Variants in ANO6 observed in about 807,000 individuals in gnomAD.
The protein encoded by ANO6 is anoctamin-6.
ANO6 carries 106 observed loss-of-function variants against 117.5 expected under a neutral mutation model. The ratio of observed to expected loss-of-function variants is 0.90; its 90% CI spans 0.77 to 1.06. ANO6 has a LOEUF of 1.06. Ranked by LOEUF, ANO6 falls within the 50% of genes least tolerant of loss-of-function variation. The pLI, the probability that ANO6 is intolerant of heterozygous loss-of-function variation, is 0.00. For synonymous variants in ANO6, 367 were observed against 385.1 expected, an observed-to-expected ratio of 0.95 and a Z score of 0.55; for missense variants, 955 against 1,121.1, an observed-to-expected ratio of 0.85 and a Z score of 2.12.
At chr12:45,428,662 T>C (rs1036886348) in intron 19 of ANO6, among the ~76,000 whole-genome samples, 1 of 152,190 alleles carries the variant, frequency 6.6e-6, no homozygotes, top group African/African-American at 2.4e-5. Context: ...TGGGGGTATA[T>C]ATACATATTT....
intron 7 of ANO6, among the ~76,000 whole-genome samples, chr12:45,353,530 A>C (rs1423898190): frequency 1.3e-5 from 2 of 152,172 alleles, no homozygotes; most frequent in African/African-American, 4.8e-5. Flanking sequence ...GCTAGAGGAA[A>C]TGCATTTACT....
chr12:45,405,990 T>C (rs1291932997), intron 15 of ANO6, among the ~76,000 whole-genome samples: 3 of 152,212 alleles, frequency 2.0e-5, no homozygotes, highest in Non-Finnish European at 4.4e-5. Flanking sequence ...AAAAGCCTTA[T>C]AAGTCAGCAG....
Position 45,401,794 on chromosome 12 carries a change from G to T in ANO6, c.1387-1G>T, listed in dbSNP as rs374664255. 1.9e-4 allele frequency: 307 copies of T among 1,612,310 alleles called. No individual in the cohort carries two copies. The highest frequency in any genetic ancestry group is 2.3e-4 in the Non-Finnish European group (276 of 1,179,208). ...TGCTACTGTGTTTGTTGTGCTTTCA[G>T]ATCCTATTGATCATCGCTTCAGTTA... On this transcript the variant is annotated splice_acceptor_variant, in intron 12 of 19. Coordinates refer to ENST00000320560, the MANE Select transcript of ANO6 (RefSeq NM_001025356.3). LOFTEE classifies it high-confidence loss of function.
chr12:45,244,462 AATCCCC>A (rs1947795046), intron 1 of ANO6, among the ~76,000 whole-genome samples: 1 of 150,942 alleles, frequency 6.6e-6, no homozygotes, highest in African/African-American at 2.5e-5. Context: ...AGTATTGTTG[AATCCCC>A]TCAACTGTAT....
At chr12:45,343,892 T>C (rs756905464) in intron 3 of ANO6, among the ~76,000 whole-genome samples, 6 of 125,764 alleles carry the variant, frequency 4.8e-5, no homozygotes, top group Non-Finnish European at 8.2e-5. Flanking sequence ...CACCCCAGAA[T>C]GTATTCTGCT....
At chr12:45,420,248 A>C (rs1224172451) in intron 17 of ANO6, among the ~76,000 whole-genome samples, 1 of 152,160 alleles carries the variant, frequency 6.6e-6, no homozygotes. Context: ...CATGCAGTTT[A>C]CCTTCTGTGT....
rs1947852450 is a variant in ANO6, at chr12:45,248,158, T to C, written c.70+31767T>C. ...ATAAAGTTAATTTCTTTTCCTGACA[T>C]GCATGTGTAACAGTAATAGCTTCAT... is the stretch of plus-strand genomic sequence containing the variant. On this transcript the variant is annotated intron_variant, in intron 1 of 19. Coordinates refer to ENST00000320560, the MANE Select transcript of ANO6 (RefSeq NM_001025356.3). Among the ~76,000 whole-genome samples, 3 of 152,234 alleles carry C rather than the reference T, an allele frequency of 2.0e-5. No homozygotes were observed. The South Asian group carries it at 6.2e-4, about 31-fold the overall frequency.
At chr12:45,385,337 G>T (rs932486893) in intron 10 of ANO6, among the ~76,000 whole-genome samples, 2 of 152,204 alleles carry the variant, frequency 1.3e-5, no homozygotes, top group African/African-American at 4.8e-5. Flanking sequence ...CATAATTACA[G>T]AGTGGGAGAC....
At chr12:45,343,432 C>T (rs1941037454) in intron 3 of ANO6, among the ~76,000 whole-genome samples, 1 of 152,130 alleles carries the variant, frequency 6.6e-6, no homozygotes, top group African/African-American at 2.4e-5. Flanking sequence ...GCTAGTGAGA[C>T]CATCTGGGTT....
chr12:45,433,709 A>T (rs1017742325), downstream of ANO6, among the ~76,000 whole-genome samples: 11 of 152,132 alleles, frequency 7.2e-5, no homozygotes, highest in African/African-American at 2.4e-4. Flanking sequence ...CACCGTTAAG[A>T]TTCAAGGAGT....
intron 1 of ANO6, among the ~76,000 whole-genome samples, chr12:45,266,479 G>A (rs1938219447): frequency 6.6e-6 from 1 of 152,036 alleles, no homozygotes; most frequent in Admixed American, 6.6e-5. Context: ...TTAAACATTG[G>A]TGCCAAGTCT....
intron 8 of ANO6, among the ~76,000 whole-genome samples, chr12:45,362,641 GTTAAA>G (rs1176494064): frequency 6.6e-6 from 1 of 151,568 alleles, no homozygotes; most frequent in Non-Finnish European, 1.5e-5. Flanking sequence ...TTTTTTGTGT[GTTAAA>G]TAGATATTTC....
intron 16 of ANO6, among the ~76,000 whole-genome samples, chr12:45,414,120 G>C (rs1392484450): frequency 6.6e-6 from 1 of 151,956 alleles, no homozygotes; most frequent in African/African-American, 2.4e-5. Context: ...GCAGGATGCG[G>C]GGCTTCAGGG....
At position 45,378,118 on chromosome 12, in the gene ANO6, GTT is replaced by G. The variant is rs36059278; in HGVS notation, c.1165+20_1165+21del. ...CAGTATTTATGGGAGTATGGGGTAA[GTT>G]TTTTTTTTTTTTTTCATGCACTCAA... is the stretch of plus-strand genomic sequence containing the variant. On this transcript the variant is annotated splice_donor_region_variant and intron_variant, in intron 10 of 19. Coordinates refer to ENST00000320560, the MANE Select transcript of ANO6 (RefSeq NM_001025356.3). 3,920 of 1,476,012 alleles carry G rather than the reference GTT, an allele frequency of 2.7e-3. No individual in the cohort carries two copies. Among genetic ancestry groups the G allele is most frequent in the East Asian group, 0.011 (461 of 42,404 alleles). 91.4% of individuals were successfully genotyped at this position (1,476,012 alleles called of 1,614,324 possible). A position where few individuals can be genotyped will look rare whatever the true frequency, so the allele number is the denominator to read the frequency against.
chr12:45,415,554 A>T (rs1943193501), intron 16 of ANO6, among the ~76,000 whole-genome samples: 1 of 152,216 alleles, frequency 6.6e-6, no homozygotes, highest in Non-Finnish European at 1.5e-5. Flanking sequence ...GGTGAGTCAT[A>T]GGGAAGTTGA....
intron 1 of ANO6, among the ~76,000 whole-genome samples, chr12:45,276,062 C>G (rs867674762): frequency 7.9e-5 from 12 of 152,184 alleles, no homozygotes; most frequent in African/African-American, 2.7e-4. Context: ...CCATCTACCC[C>G]ATCCTGCCTC....
intron 10 of ANO6, 64 bp downstream of exon 10, chr12:45,378,177 A>G: frequency 2.0e-6 from 3 of 1,502,236 alleles, no homozygotes; most frequent in South Asian, 2.4e-5. Flanking sequence ...TATGTAGGCT[A>G]TCAAAGTAAC....
intron 9 of ANO6, among the ~76,000 whole-genome samples, chr12:45,377,143 GT>G (rs35290139): frequency 0.02 from 2,798 of 140,102 alleles, 64 homozygotes; most frequent in African/African-American, 0.062. Context: ...ATTTGAAAAG[GT>G]TTTTTTTTTT....
chr12:45,305,249 C>T lies in ANO6; in HGVS notation c.150+3156C>T, dbSNP rs181898651. 3.9e-5 allele frequency among the ~76,000 whole-genome samples: 6 copies of T among 152,216 alleles called. No individual in the cohort carries two copies. In the East Asian group the frequency reaches 5.8e-4, roughly 15 times the overall value. On this transcript the variant is annotated intron_variant, in intron 2 of 19. Transcript: ENST00000320560. The stretch of plus-strand genomic sequence containing the variant: ...GGTAAGAGTCCAGGTGAAAGGGACC[C>T]GGCAAATACTGGCATTAGAAAGTAA...
Sources: gnomAD v4.1 joint callset for allele counts (sites outside exome capture counted in the v4.1 genomes callset) on GRCh38, gnomAD v4.1.1 for gene constraint, MANE v1.5 for transcripts, NCBI Gene and HGNC (gene_info 2026-07-23, HGNC 2026-07-21) for gene names.